The following TJP2 variants were observed in gnomAD, a reference collection of about 807,000 sequenced individuals.
TJP2 encodes Friedreich ataxia region gene X104 (tight junction protein ZO-2).
In TJP2, 91 loss-of-function variants were observed where a neutral mutation model predicts 133.1. That is an observed-to-expected ratio of 0.68 (90% CI 0.58 to 0.81). The LOEUF (loss-of-function observed/expected upper bound fraction) is 0.81. Ranked by LOEUF, TJP2 falls within the 40% of genes least tolerant of loss-of-function variation. TJP2 has a pLI of 0.00. For synonymous variants in TJP2, 592 were observed against 583.4 expected (o/e 1.01, Z -0.21); for missense variants, 1,541 against 1,565.6 (o/e 0.98, Z 0.26).
intron 1 of TJP2, among the ~76,000 whole-genome samples, chr9:69,207,431 G>A (rs574931792): frequency 1.3e-5 from 2 of 152,084 alleles, no homozygotes; most frequent in Non-Finnish European, 1.5e-5. Flanking sequence ...TTTTAATAAT[G>A]TATCAATTTG....
intron 2 of TJP2, among the ~76,000 whole-genome samples, chr9:69,153,005 C>T (rs922780098): frequency 6.6e-6 from 1 of 151,410 alleles, no homozygotes; most frequent in Admixed American, 6.6e-5. Context: ...GGGAGGATCG[C>T]TTGAGGCCAA....
chr9:69,214,848 C>T (rs928460126), intron 2 of TJP2, among the ~76,000 whole-genome samples: 2 of 123,188 alleles, frequency 1.6e-5, no homozygotes, highest in Non-Finnish European at 3.3e-5. Context: ...AGCCTGGCAA[C>T]AGAGCAAGAC....
rs1333158438 is a variant in TJP2, at chr9:69,226,121, C to T, written c.1156C>T (p.Gln386Ter). ...KLQLVVLRDSQQTLINIPSLN... is the reference protein window; with the variant it reads ...KLQLVVLRDS ...ACAGCTAGTGGTGTTGAGAGACAGC[C>T]AGCAGACCCTCATCAACATCCCGTC... The change falls in exon 7 of 23, where the codon CAG becomes TAG. Residue 386 changes from glutamine (Q) to a stop codon, truncating the protein, a stop_gained. Transcript: ENST00000377245. LOFTEE classifies it high-confidence loss of function. The T allele has an allele frequency of 6.2e-7, 1 of 1,614,118 alleles. No homozygotes were observed. Among genetic ancestry groups the T allele is most frequent in the Non-Finnish European group, 8.5e-7 (1 of 1,180,028 alleles).
intron 1 of TJP2, among the ~76,000 whole-genome samples, chr9:69,130,637 C>A (rs559222942): frequency 6.6e-6 from 1 of 152,012 alleles, no homozygotes; most frequent in African/African-American, 2.4e-5. Flanking sequence ...CGGAAGGGGC[C>A]GGGCTTGAGG....
At chr9:69,223,289 CTGTTTTGTTT>C (rs10594219) in intron 5 of TJP2, among the ~76,000 whole-genome samples, 92 of 150,112 alleles carry the variant, frequency 6.1e-4, no homozygotes, top group African/African-American at 1.1e-3. Flanking sequence ...GGCTTCGTTT[CTGTTTTGTTT>C]TGTTTTGTTT....
intron 1 of TJP2, among the ~76,000 whole-genome samples, chr9:69,144,162 C>T (rs535537103): frequency 7.9e-5 from 12 of 152,048 alleles, no homozygotes; most frequent in Non-Finnish European, 1.5e-4. Context: ...GCCACGTGCC[C>T]AGCAACACTC....
intron 17 of TJP2, among the ~76,000 whole-genome samples, chr9:69,241,902 G>C (rs1830601802): frequency 6.6e-6 from 1 of 152,168 alleles, no homozygotes; most frequent in South Asian, 2.1e-4. Context: ...ACGTAATGCA[G>C]CCCTTCCTTT....
chr9:69,194,927 G>A (rs1053108682), intron 1 of TJP2, among the ~76,000 whole-genome samples: 1 of 152,166 alleles, frequency 6.6e-6, no homozygotes, highest in Non-Finnish European at 1.5e-5. Context: ...TCAGGACTCC[G>A]TATGTAGGCT....
intron 1 of TJP2, among the ~76,000 whole-genome samples, chr9:69,196,322 C>G (rs1826556764): frequency 6.6e-6 from 1 of 152,208 alleles, no homozygotes; most frequent in African/African-American, 2.4e-5. Flanking sequence ...CTTCTGACTT[C>G]AGTGTCCTTT....
At chr9:69,154,577 C>T (rs1250883775) in intron 2 of TJP2, among the ~76,000 whole-genome samples, 1 of 151,382 alleles carries the variant, frequency 6.6e-6, no homozygotes, top group Non-Finnish European at 1.5e-5. Flanking sequence ...ATCGCTTAAG[C>T]CCAGGAGTTC....
chr9:69,132,777 T>A lies in TJP2; in HGVS notation c.-131+11052T>A, dbSNP rs111467191. On this transcript the variant is annotated intron_variant, in intron 1 of 5. Coordinates refer to the TJP2 transcript ENST00000423935. ...GCAGTTAAATTCATTGCTATGGGGA[T>A]ATACCAAAGGCCCTAGGGTACCTAC... Among the ~76,000 whole-genome samples, 139 of 152,250 alleles carry A rather than the reference T, an allele frequency of 9.1e-4. 2 individuals carry two copies. The highest frequency in any genetic ancestry group is 3.2e-3 in the African/African-American group (133 of 41,556).
chr9:69,198,557 T>C (rs1210274207), intron 1 of TJP2, among the ~76,000 whole-genome samples: 1 of 152,248 alleles, frequency 6.6e-6, no homozygotes, highest in African/African-American at 2.4e-5. Flanking sequence ...TCTTCAGTAG[T>C]AGGTCTGGGA....
At chr9:69,191,179 A>G (rs562728264) in intron 1 of TJP2, among the ~76,000 whole-genome samples, 3 of 152,356 alleles carry the variant, frequency 2.0e-5, no homozygotes, top group African/African-American at 7.2e-5. Context: ...TGACCTGATA[A>G]CAAGGGCCAC....
chr9:69,221,101 G>C lies in TJP2; in HGVS notation c.557G>C (p.Ser186Thr). 1.3e-6 allele frequency: 2 copies of C among 1,583,376 alleles called. No individual in the cohort carries two copies. The highest frequency in any genetic ancestry group is 1.9e-4 in the Middle Eastern group (1 of 5,306). Residue 186 changes from serine (S) to threonine (T), a missense_variant, in exon 5 of 23, where the codon AGC becomes ACC. Physicochemically the swap from Ser to Thr is moderately conservative, Grantham distance 58 (BLOSUM62 1). Transcript: ENST00000377245. The stretch of plus-strand genomic sequence containing the variant: ...GGGCGTCCCCATGAGCGGGCCCGGA[G>C]CCGGGAGCGGGACCTCAGCCGGGAC... ...ERGRPHERAR[S>T]RERDLSRDRS... is the part of the protein sequence containing the mutation.
At chr9:69,150,494 A>G (rs957767352) in intron 1 of TJP2, among the ~76,000 whole-genome samples, 2 of 151,714 alleles carry the variant, frequency 1.3e-5, no homozygotes, top group African/African-American at 2.4e-5. Context: ...GGGTTTCACC[A>G]TGTTGGCCAG....
At chr9:69,214,286 A>G (rs910222820) in intron 2 of TJP2, among the ~76,000 whole-genome samples, 2 of 152,022 alleles carry the variant, frequency 1.3e-5, no homozygotes, top group Admixed American at 1.3e-4. Flanking sequence ...GGGTTTTGCC[A>G]TGTTGGCCAG....
chr9:69,193,985 A>G (rs1212066032), intron 1 of TJP2, among the ~76,000 whole-genome samples: 1 of 152,204 alleles, frequency 6.6e-6, no homozygotes, highest in Non-Finnish European at 1.5e-5. Flanking sequence ...TAAATATGTA[A>G]CATACTTATG....
chr9:69,159,259 T>G (rs1195156695), intron 2 of TJP2, among the ~76,000 whole-genome samples: 2 of 152,060 alleles, frequency 1.3e-5, no homozygotes, highest in South Asian at 2.1e-4. Context: ...AGGTCCAGAC[T>G]GCAATGAGCC....
Position 69,225,349 on chromosome 9 carries a change from C to G in TJP2, c.998C>G (p.Thr333Ser), listed in dbSNP as rs1336344480. 6.2e-6 allele frequency: 10 copies of G among 1,613,890 alleles called. No homozygotes were observed. The highest frequency in any genetic ancestry group is 1.7e-5 in the Admixed American group (1 of 59,996). The change falls in exon 6 of 23, where the codon ACC becomes AGC. Residue 333 changes from threonine (T) to serine (S), a missense_variant. Thr to Ser is a moderately conservative substitution (Grantham distance 58, BLOSUM62 1). Coordinates refer to ENST00000377245, the MANE Select transcript of TJP2 (RefSeq NM_004817.4). The part of the protein sequence containing the change: ...LGSQIFVKEM[T>S]RTGLATKDGN... Reference sequence around the variant, plus strand: ...AGTCAGATCTTCGTAAAGGAAATGACCCGAACGGGTCTGGCAACTAAAGAT... The same window carrying G: ...AGTCAGATCTTCGTAAAGGAAATGAGCCGAACGGGTCTGGCAACTAAAGAT...
Sources: allele counts gnomAD v4.1 joint callset (sites outside exome capture counted in the v4.1 genomes callset), GRCh38; gene constraint gnomAD v4.1.1; transcripts MANE v1.5; gene names NCBI Gene and HGNC (gene_info 2026-07-23, HGNC 2026-07-21).